RANBP2: variants seen among roughly 807,000 people sequenced by gnomAD.
RANBP2 encodes the protein RAN binding protein 2.
In RANBP2, 57 loss-of-function variants were observed where a neutral mutation model predicts 303.6. The observed-to-expected ratio is 0.19, with a 90% confidence interval of 0.15 to 0.23. The LOEUF is 0.23. Among genes scored for constraint, RANBP2 ranks in the 10% least tolerant of loss-of-function variants. The probability of loss-of-function intolerance (pLI) is 1.00; values close to 1 mark genes in which losing one functional copy is unlikely to be tolerated. For synonymous variants in RANBP2, 1,167 were observed against 1,301.5 expected, an observed-to-expected ratio of 0.90 and a Z score of 2.23; for missense variants, 3,138 against 3,780.8, an observed-to-expected ratio of 0.83 and a Z score of 4.46.
the RANBP2 span, chr2:109,565,710 C>T: frequency 1.4e-6 from 2 of 1,433,552 alleles, no homozygotes; most frequent in South Asian, 2.3e-5. Flanking sequence ...TGACAGGTAG[C>T]TTTGAGATTA....
the RANBP2 span, among the ~76,000 whole-genome samples, chr2:109,036,060 A>G: frequency 3.5e-4 from 53 of 152,354 alleles, no homozygotes; most frequent in African/African-American, 1.2e-3. Context: ...TCAGGAATGA[A>G]GGAGAAATCA....
the RANBP2 span, among the ~76,000 whole-genome samples, chr2:109,125,808 T>C: frequency 2.3e-3 from 352 of 152,380 alleles, 5 homozygotes; most frequent in African/African-American, 8.3e-3. Context: ...AGACTGTATT[T>C]GTAATACTTC....
chr2:108,955,292 C>T, the RANBP2 span, among the ~76,000 whole-genome samples: 2 of 152,072 alleles, frequency 1.3e-5, no homozygotes, highest in Non-Finnish European at 2.9e-5. Context: ...AAAGTATTTA[C>T]AACAGTAAGT....
At chr2:109,692,912 G>A in the RANBP2 span, among the ~76,000 whole-genome samples, 130 of 146,686 alleles carry the variant, frequency 8.9e-4, no homozygotes, top group African/African-American at 3.0e-3. Context: ...TCCACCTCCC[G>A]GGTTCAAGCG....
At chr2:109,441,932 A>G in the RANBP2 span, among the ~76,000 whole-genome samples, 1 of 147,596 alleles carries the variant, frequency 6.8e-6, no homozygotes, top group Non-Finnish European at 1.5e-5. Flanking sequence ...CTAGTACTCT[A>G]CTCCCAGCAA....
chr2:109,585,033 C>T, the RANBP2 span: 7 of 615,282 alleles, frequency 1.1e-5, no homozygotes, highest in African/African-American at 3.8e-5. Flanking sequence ...TATGGATTAC[C>T]ATAGGAGAAA....
intron 18 of RANBP2, among the ~76,000 whole-genome samples, chr2:108,760,593 TATAAAATCCTTTGCCAATTTGTAGGA>T (rs1676659866): frequency 1.3e-5 from 2 of 152,214 alleles, no homozygotes; most frequent in Admixed American, 1.3e-4. Context: ...CTTACTGGTT[TATAAAATCCTTTGCCAATTTGTAGGA>T]ACAAAAGTGA....
the RANBP2 span, among the ~76,000 whole-genome samples, chr2:109,332,153 AC>A: frequency 1.1e-3 from 168 of 152,240 alleles, no homozygotes; most frequent in African/African-American, 3.8e-3. Context: ...GAGGCGCTTT[AC>A]CCATGAGAGG....
the RANBP2 span, among the ~76,000 whole-genome samples, chr2:108,805,383 A>G: frequency 2.0e-5 from 3 of 152,104 alleles, no homozygotes; most frequent in Non-Finnish European, 1.5e-5. Flanking sequence ...CACATTGCTC[A>G]TGTTCTCATG....
At chr2:108,951,818 A>G in the RANBP2 span, among the ~76,000 whole-genome samples, 216 of 152,288 alleles carry the variant, frequency 1.4e-3, no homozygotes, top group African/African-American at 4.9e-3. Context: ...TGTGTTATGG[A>G]CTATCTTCTC....
chr2:108,889,545 T>TTTTCC, the RANBP2 span, among the ~76,000 whole-genome samples: 1 of 150,110 alleles, frequency 6.7e-6, no homozygotes, highest in Non-Finnish European at 1.5e-5. Context: ...TAATAACCTT[T>TTTTCC]TTTTCTTTTC....
the RANBP2 span, among the ~76,000 whole-genome samples, chr2:109,007,240 T>A: frequency 1.3e-5 from 2 of 152,268 alleles, no homozygotes; most frequent in African/African-American, 2.4e-5. Flanking sequence ...TGTATTTTTT[T>A]AGAATGATTC....
At chr2:108,794,194 G>A in the RANBP2 span, among the ~76,000 whole-genome samples, 1 of 152,170 alleles carries the variant, frequency 6.6e-6, no homozygotes, top group Non-Finnish European at 1.5e-5. Flanking sequence ...TGCATTAGTG[G>A]TAAATTTGGT....
At chr2:108,990,002 TAAGA>T in the RANBP2 span, among the ~76,000 whole-genome samples, 10 of 152,206 alleles carry the variant, frequency 6.6e-5, no homozygotes, top group Non-Finnish European at 1.2e-4. Context: ...AGTAAGAGCT[TAAGA>T]AAGAAACAGT....
chr2:109,331,492 A>G, the RANBP2 span, among the ~76,000 whole-genome samples: 2 of 151,096 alleles, frequency 1.3e-5, no homozygotes, highest in South Asian at 2.1e-4. Flanking sequence ...TCCCGCGTCT[A>G]CTCCTTCAGG....
At chr2:109,209,241 G>A in the RANBP2 span, among the ~76,000 whole-genome samples, 1 of 152,194 alleles carries the variant, frequency 6.6e-6, no homozygotes, top group African/African-American at 2.4e-5. Flanking sequence ...TGGGCTGTAG[G>A]AAAACTGAGA....
At chr2:108,909,641 GGCTGGGAGCTGAT>G in the RANBP2 span, among the ~76,000 whole-genome samples, 1 of 152,226 alleles carries the variant, frequency 6.6e-6, no homozygotes, top group African/African-American at 2.4e-5. Flanking sequence ...CACATTGCCT[GGCTGGGAGCTGAT>G]GCTGTGGGGT....
At chr2:109,474,229 G>A in the RANBP2 span, among the ~76,000 whole-genome samples, 6 of 152,192 alleles carry the variant, frequency 3.9e-5, no homozygotes, top group African/African-American at 1.2e-4. Flanking sequence ...AGGGAGGTGG[G>A]TGTGGGCACA....
At chr2:109,029,772 T>A in the RANBP2 span, among the ~76,000 whole-genome samples, 3 of 152,188 alleles carry the variant, frequency 2.0e-5, no homozygotes, top group Non-Finnish European at 4.4e-5. Context: ...TTCATCTCTA[T>A]CCTTGTCTCC....
Sources: allele counts gnomAD v4.1 joint callset (sites outside exome capture counted in the v4.1 genomes callset), GRCh38; gene constraint gnomAD v4.1.1; transcripts MANE v1.5; gene names NCBI Gene and HGNC (gene_info 2026-07-23, HGNC 2026-07-21).